DDX43: variants seen among roughly 807,000 people sequenced by gnomAD.
DDX43 encodes the protein DEAD-box helicase 43.
DDX43 carries 50 observed loss-of-function variants against 84.9 expected under a neutral mutation model. That is an observed-to-expected ratio of 0.59 (90% confidence interval 0.47 to 0.75). The LOEUF (loss-of-function observed/expected upper bound fraction) is 0.75. DDX43 is among the 30% of genes least tolerant of loss of function. The pLI, the probability that DDX43 is intolerant of heterozygous loss-of-function variation, is 0.00. For synonymous variants in DDX43, 291 were observed against 266.3 expected, an observed-to-expected ratio of 1.09 and a Z score of -0.90; for missense variants, 689 against 798.6, an observed-to-expected ratio of 0.86 and a Z score of 1.65.
rs531733181 is a variant in DDX43 at position 73,410,322 on chromosome 6, A to C, written c.1280+974A>C. Among the ~76,000 whole-genome samples, 275 of 152,164 alleles carry C rather than the reference A, an allele frequency of 1.8e-3. 1 individual carries two copies. The highest frequency in any genetic ancestry group is 6.0e-3 in the South Asian group (29 of 4,820). On this transcript the variant is annotated intron_variant, in intron 10 of 16. Coordinates refer to ENST00000370336, the MANE Select transcript of DDX43 (RefSeq NM_018665.3). ...GCTGGGACTACAGGCACACGTCACC[A>C]TGCCCAGCTAATTATTGTATTTTTA... is the stretch of plus-strand genomic sequence containing the variant.
At chr6:73,406,300 G>A in intron 6 of DDX43, 64 bp from the exon 7 acceptor site, 23 of 1,210,486 alleles carry the variant, frequency 1.9e-5, no homozygotes, top group Non-Finnish European at 2.8e-5. Context: ...GGGATTACAG[G>A]CGTGAGCCAC....
intron 15 of DDX43, 65 bp downstream of exon 15, chr6:73,415,649 C>T: frequency 8.9e-7 from 1 of 1,118,048 alleles, no homozygotes; most frequent in East Asian, 2.5e-5. Context: ...ATGCCGGGTA[C>T]TATGGCTTGC....
rs1354282863 is a variant in DDX43, at chr6:73,412,662, TGTGTGTGCGC to T, written c.1368+372_1368+381del. On this transcript the variant is annotated intron_variant, in intron 11 of 16. Coordinates refer to ENST00000370336, the MANE Select transcript of DDX43 (RefSeq NM_018665.3). ...TAGTGTGTGTGTGTGTGTGTGTGTG[TGTGTGTGCGC>T]GCGCGCGTGTGTGTGTGTGCGCGTG... 1.2e-3 allele frequency among the ~76,000 whole-genome samples: 103 copies of T among 86,752 alleles called. 2 individuals carry two copies. The highest frequency in any genetic ancestry group is 4.1e-3 in the African/African-American group (95 of 23,288). 56.9% of individuals were successfully genotyped at this position (86,752 alleles called of 152,430 possible).
chr6:73,414,008 T>C lies in DDX43; in HGVS notation c.1535T>C (p.Ile512Thr). Residue 512 changes from isoleucine to threonine, a missense_variant, in exon 13 of 17, where the codon ATA becomes ACA. By Grantham distance (89) the Ile-to-Thr change is moderately conservative (BLOSUM62 -1). Around this residue, in one of 2 missense-constraint regions of DDX43, gnomAD observed 552 missense variants for 692.7 expected, o/e 0.80. Transcript: ENST00000370336. Reference sequence around the variant, plus strand: ...TCAAGTGACCTAATACTTGGAAATATATCAGTAGAGTCTCTGCATGGAGAT... The same window carrying C: ...TCAAGTGACCTAATACTTGGAAATACATCAGTAGAGTCTCTGCATGGAGAT... Reference protein sequence around the residue: ...HLSSDLILGNISVESLHGDRE... With the variant: ...HLSSDLILGNTSVESLHGDRE... The C allele has an allele frequency of 1.9e-6, 3 of 1,612,476 alleles. No homozygotes were observed. Among genetic ancestry groups the C allele is most frequent in the Non-Finnish European group, 2.5e-6 (3 of 1,178,552 alleles).
At chr6:73,410,384 A>G (rs1190039318) in intron 10 of DDX43, among the ~76,000 whole-genome samples, 1 of 152,070 alleles carries the variant, frequency 6.6e-6, no homozygotes, top group Non-Finnish European at 1.5e-5. Flanking sequence ...GGCTGGTCTC[A>G]AACTCCTGAC....
intron 1 of DDX43, among the ~76,000 whole-genome samples, chr6:73,395,776 AAACTT>A (rs1278324851): frequency 6.6e-6 from 1 of 152,108 alleles, no homozygotes; most frequent in Non-Finnish European, 1.5e-5. Context: ...ATGAAAAACA[AAACTT>A]AATCAGTCTT....
chr6:73,408,757 T>C (rs1385060542), intron 9 of DDX43, among the ~76,000 whole-genome samples: 1 of 152,066 alleles, frequency 6.6e-6, no homozygotes, highest in African/African-American at 2.4e-5. Flanking sequence ...GGTTTCATCA[T>C]GTTGGCCAGG....
Position 73,413,911 on chromosome 6 carries a change from G to A in DDX43, c.1497-59G>A, listed in dbSNP as rs1769852434. Reference sequence around the variant, plus strand: ...TTACTTTAGATTTTTGCTAACAGAAGTAAAACTGGTGGCATTAGAATAAGC... The same window carrying A: ...TTACTTTAGATTTTTGCTAACAGAAATAAAACTGGTGGCATTAGAATAAGC... On this transcript the variant is annotated intron_variant, in intron 12 of 16. Coordinates refer to ENST00000370336, the MANE Select transcript of DDX43 (RefSeq NM_018665.3). 1.3e-5 allele frequency: 20 copies of A among 1,523,792 alleles called. No individual in the cohort carries two copies. In the South Asian group the frequency reaches 2.2e-4, roughly 17 times the overall value. The allele number at this position is 1,523,792 out of a possible 1,614,324, so 94.4% of individuals were successfully genotyped here.
chr6:73,408,147 T>C, intron 9 of DDX43, 46 bp downstream of exon 9: 1 of 1,599,586 alleles, frequency 6.3e-7, no homozygotes, highest in Non-Finnish European at 8.5e-7. Flanking sequence ...CAAAAATAAC[T>C]GAACTGGCCG....
At chr6:73,415,663 T>A in intron 15 of DDX43, 79 bp downstream of exon 15, 2 of 1,028,622 alleles carry the variant, frequency 1.9e-6, no homozygotes, top group Non-Finnish European at 1.4e-6. Context: ...GGCTTGCTAT[T>A]TATCAGGAAG....
chr6:73,414,428 C>T, intron 13 of DDX43, 120 bp from the exon 14 acceptor site: 1 of 907,416 alleles, frequency 1.1e-6, no homozygotes. Flanking sequence ...ACAAAGTAAG[C>T]ATTTTAATGT....
intron 7 of DDX43, among the ~76,000 whole-genome samples, chr6:73,407,159 C>A (rs1219354527): frequency 6.6e-6 from 1 of 152,064 alleles, no homozygotes; most frequent in Non-Finnish European, 1.5e-5. Flanking sequence ...CTCTTATTGC[C>A]CAGGCTGGAG....
intron 11 of DDX43, among the ~76,000 whole-genome samples, 194 bp downstream of exon 11, chr6:73,412,486 G>A (rs1187438644): frequency 1.3e-5 from 2 of 151,840 alleles, no homozygotes; most frequent in Non-Finnish European, 2.9e-5. Context: ...CTCTAGTCAG[G>A]GCCTATATAT....
rs1454455806 is a variant in DDX43, at chr6:73,413,674, A to C, written c.1385A>C (p.Lys462Thr). The C allele has an allele frequency of 1.9e-6, 3 of 1,613,584 alleles. No individual in the cohort carries two copies. The African/African-American group carries it at 4.0e-5, about 22-fold the overall frequency. Residue 462 changes from lysine to threonine, a missense_variant, in exon 12 of 17, where the codon AAG becomes ACG. Lys to Thr is a moderately conservative substitution (Grantham distance 78). Transcript: ENST00000370336. ...ATCCTTTAGGCTGTAAGTTCAGTGAAGCAAAATATAATTGTAACCACCGAG... is the reference window on the plus strand; with the variant it reads ...ATCCTTTAGGCTGTAAGTTCAGTGACGCAAAATATAATTGTAACCACCGAG... ...TLDLVAVSSV[K>T]QNIIVTTEEE...
Position 73,407,625 on chromosome 6 carries a change from T to A in DDX43, c.1037+10T>A. On this transcript the variant is annotated intron_variant, in intron 8 of 16. Transcript: ENST00000370336. Reference sequence around the variant, plus strand: ...ATAAAGGGCTTCGGAGGTAAGTAATTTTTTTTCCCATTCCTTCACCAGTAT... The same window carrying A: ...ATAAAGGGCTTCGGAGGTAAGTAATATTTTTTCCCATTCCTTCACCAGTAT... The A allele has an allele frequency of 6.4e-7, 1 of 1,552,882 alleles. No homozygotes were observed. Among genetic ancestry groups the A allele is most frequent in the Non-Finnish European group, 8.9e-7 (1 of 1,127,344 alleles).
intron 6 of DDX43, 26 bp from the exon 7 acceptor site, chr6:73,406,338 T>G (rs774643523): frequency 6.6e-7 from 1 of 1,525,514 alleles, no homozygotes; most frequent in Admixed American, 1.7e-5. Flanking sequence ...GTACTTTTTG[T>G]GTTAATGTTT....
intron 1 of DDX43, among the ~76,000 whole-genome samples, 191 bp downstream of exon 1, chr6:73,395,346 T>TGTA (rs1305803317): frequency 6.6e-6 from 1 of 152,212 alleles, no homozygotes; most frequent in African/African-American, 2.4e-5. Context: ...GGCTCACGCC[T>TGTA]GTAATCCCAG....
At chr6:73,405,552 C>G (rs1769660184) in intron 5 of DDX43, 127 bp from the exon 6 acceptor site, 1 of 864,384 alleles carries the variant, frequency 1.2e-6, no homozygotes, top group Non-Finnish European at 1.8e-6. Context: ...TTCATTATAA[C>G]TTCCCTGACA....
intron 9 of DDX43, among the ~76,000 whole-genome samples, chr6:73,408,616 G>T (rs374795197): frequency 6.6e-6 from 1 of 151,530 alleles, no homozygotes; most frequent in Non-Finnish European, 1.5e-5. Flanking sequence ...GAGTGCTGTC[G>T]CATGATCTTG....
Sources: gnomAD v4.1 joint callset for allele counts (sites outside exome capture counted in the v4.1 genomes callset) on GRCh38, gnomAD v4.1.1 for gene constraint, gnomAD v4.1.1 regional missense constraint, MANE v1.5 for transcripts, NCBI Gene and HGNC (gene_info 2026-07-23, HGNC 2026-07-21) for gene names.